The following DDO variants were observed in gnomAD, a reference collection of about 807,000 sequenced individuals.
The protein encoded by DDO is D-aspartate oxidase.
A neutral mutation model predicts 16.8 loss-of-function variants in DDO; 16 were observed. That is an observed-to-expected ratio of 0.95 (90% confidence interval 0.65 to 1.45). DDO has a LOEUF of 1.45. Ranked by LOEUF, DDO falls within the 40% of genes most tolerant of loss-of-function variation. The pLI, the probability that DDO is intolerant of heterozygous loss-of-function variation, is 0.00. For missense variants in DDO, 429 were observed against 420.3 expected, an observed-to-expected ratio of 1.02 and a Z score of -0.18; for synonymous variants, 180 against 167.2, an observed-to-expected ratio of 1.08 and a Z score of -0.59.
At position 110,393,312 on chromosome 6, in the gene DDO, AG is replaced by A. The variant is rs1433111087; in HGVS notation, c.488del (p.Thr163IlefsTer4). 15 of 1,607,558 alleles carry A rather than the reference AG, an allele frequency of 9.3e-6. No individual in the cohort carries two copies. The Admixed American group carries it at 2.3e-4, about 25-fold the overall frequency. On this transcript the variant is annotated frameshift_variant, in exon 5 of 5. Coordinates refer to ENST00000368924, the MANE Select transcript of DDO (RefSeq NM_001372108.2). LOFTEE classifies it low-confidence loss of function (END_TRUNC). ...RIKGSGGWTL[T>X]RRIEDLWELH... ...GTTCCCACAGGTCTTCTATTCGCCG[AG>A]TGAGTGTCCAGCCTCCACTTCCCTT...
intron 2 of DDO, among the ~76,000 whole-genome samples, 191 bp downstream of exon 2, chr6:110,413,100 A>C (rs1562267192): frequency 6.6e-6 from 1 of 152,060 alleles, no homozygotes; most frequent in Non-Finnish European, 1.5e-5. Context: ...CCAAGATTGC[A>C]CCACTCCACT....
At chr6:110,401,257 T>C (rs975104952) in intron 4 of DDO, among the ~76,000 whole-genome samples, 1 of 152,108 alleles carries the variant, frequency 6.6e-6, no homozygotes, top group Non-Finnish European at 1.5e-5. Context: ...AGGATTTACA[T>C]TGCAACAGAG....
intron 4 of DDO, among the ~76,000 whole-genome samples, chr6:110,393,990 CTT>C (rs1773205190): frequency 6.6e-6 from 1 of 152,154 alleles, no homozygotes; most frequent in Admixed American, 6.5e-5. Flanking sequence ...GTAAAATACA[CTT>C]AACATAAAAT....
At chr6:110,414,174 C>G (rs2114847279) in intron 1 of DDO, among the ~76,000 whole-genome samples, 1 of 152,302 alleles carries the variant, frequency 6.6e-6, no homozygotes, top group Middle Eastern at 3.4e-3. Context: ...ACCTGAGGAG[C>G]AGTGGTGAGG....
At chr6:110,391,278 A>G (rs192714837), downstream of DDO, among the ~76,000 whole-genome samples, 1 of 152,168 alleles carries the variant, frequency 6.6e-6, no homozygotes, top group Admixed American at 6.5e-5. Flanking sequence ...GATGTCCAAA[A>G]TATAACTTAC....
intron 4 of DDO, among the ~76,000 whole-genome samples, chr6:110,400,964 G>A (rs931032538): frequency 1.3e-5 from 2 of 152,210 alleles, no homozygotes; most frequent in Non-Finnish European, 2.9e-5. Context: ...CGTCTTCTGG[G>A]GACCCAGGAT....
chr6:110,389,178 G>T (rs1242043236), downstream of DDO, among the ~76,000 whole-genome samples: 2 of 152,236 alleles, frequency 1.3e-5, no homozygotes, highest in East Asian at 1.9e-4. Context: ...TTTGCTCTCT[G>T]CTTGAGCTAG....
At chr6:110,395,012 A>G (rs969786624) in intron 4 of DDO, among the ~76,000 whole-genome samples, 2 of 152,216 alleles carry the variant, frequency 1.3e-5, no homozygotes, top group African/African-American at 2.4e-5. Context: ...GTGTTAGCCA[A>G]TACTAAAGAC....
chr6:110,400,705 A>G (rs1773458380), intron 4 of DDO, among the ~76,000 whole-genome samples: 1 of 152,248 alleles, frequency 6.6e-6, no homozygotes. Context: ...CCAATGCTTC[A>G]ATGAAAGCTT....
rs1582499253 is a variant in DDO, at chr6:110,414,704, G to T, written c.-5+763C>A. 4.6e-5 allele frequency among the ~76,000 whole-genome samples: 7 copies of T among 152,360 alleles called. No individual in the cohort carries two copies. In the East Asian group the frequency reaches 1.2e-3, roughly 25 times the overall value. On this transcript the variant is annotated intron_variant, in intron 1 of 4. Coordinates refer to ENST00000368924, the MANE Select transcript of DDO (RefSeq NM_001372108.2). ...AATGCAGTTGTACCAGTTGGTCATT[G>T]CATCCCCTGTTGGACAAAATTCTAG...
chr6:110,412,557 T>C (rs1210997529), intron 2 of DDO, among the ~76,000 whole-genome samples: 3 of 152,218 alleles, frequency 2.0e-5, no homozygotes, highest in African/African-American at 7.2e-5. Flanking sequence ...GCTCTGCCAA[T>C]GAGCCATCAT....
chr6:110,399,081 T>A (rs1354295384), intron 4 of DDO, among the ~76,000 whole-genome samples: 1 of 152,186 alleles, frequency 6.6e-6, no homozygotes. Flanking sequence ...GCAGCAGAAT[T>A]TAACTCCACT....
At chr6:110,414,590 CT>C (rs1448620271) in intron 1 of DDO, among the ~76,000 whole-genome samples, 26 of 152,262 alleles carry the variant, frequency 1.7e-4, no homozygotes, top group African/African-American at 6.3e-4. Context: ...GCATCCCCGC[CT>C]GCCTTTGCTT....
rs377351871 is a variant in DDO at position 110,413,372 on chromosome 6, C to T, written c.91G>A (p.Val31Ile). 1.1e-4 allele frequency: 179 copies of T among 1,613,942 alleles called. No individual in the cohort carries two copies. The highest frequency in any genetic ancestry group is 1.9e-4 in the African/African-American group (14 of 74,884). The change falls in exon 2 of 5, where the codon GTT becomes ATT. Residue 31 changes from valine (V) to isoleucine (I), a missense_variant. Physicochemically the swap from Val to Ile is conservative, Grantham distance 29 (BLOSUM62 3). Transcript: ENST00000368924. ...GTAAACTTGTCTGAAATGATGGTAA[C>T]GGAGCATCGGGGCACCAGTTTGGAG... is the stretch of plus-strand genomic sequence containing the variant. ...CISKLVPRCS[V>I]TIISDKFTPD...
At chr6:110,413,265 C>G (rs917993553) in intron 2 of DDO, 26 bp downstream of exon 2, 1 of 1,610,390 alleles carries the variant, frequency 6.2e-7, no homozygotes. Flanking sequence ...TCTATTGTAT[C>G]TGATAGAGGA....
At position 110,405,407 on chromosome 6, in the gene DDO, T is replaced by C. The variant is rs992160540; in HGVS notation, c.282-457A>G. Reference sequence around the variant, plus strand: ...TGATCTATTTTACTATTCTCTTAGGTTCAGATAACTCAGTAGCTAAATAGC... The same window carrying C: ...TGATCTATTTTACTATTCTCTTAGGCTCAGATAACTCAGTAGCTAAATAGC... On this transcript the variant is annotated intron_variant, in intron 3 of 4. Coordinates refer to ENST00000368924, the MANE Select transcript of DDO (RefSeq NM_001372108.2). 3.9e-5 allele frequency among the ~76,000 whole-genome samples: 6 copies of C among 152,188 alleles called. No homozygotes were observed. The South Asian group carries it at 1.2e-3, about 32-fold the overall frequency.
At position 110,391,935 on chromosome 6, in the gene DDO, G is replaced by A. The variant is rs1773113099; in HGVS notation, c.*840C>T. On this transcript the variant is annotated 3_prime_UTR_variant, in exon 5 of 5. Coordinates refer to ENST00000368924, the MANE Select transcript of DDO (RefSeq NM_001372108.2). ...AATTAGTTCTTTGGCTGCACATGCTGTTCATCTTCAAAAATGCTTAGGCAA... is the reference window on the plus strand; with the variant it reads ...AATTAGTTCTTTGGCTGCACATGCTATTCATCTTCAAAAATGCTTAGGCAA... 3 of 152,440 alleles carry A rather than the reference G, an allele frequency of 2.0e-5. No individual in the cohort carries two copies. Among genetic ancestry groups the A allele is most frequent in the Non-Finnish European group, 4.4e-5 (3 of 68,294 alleles). 9.4% of individuals were successfully genotyped at this position (152,440 alleles called of 1,614,324 possible). A position where few individuals can be genotyped will look rare whatever the true frequency, so the allele number is the denominator to read the frequency against.
At chr6:110,390,406 G>T (rs766392928), downstream of DDO, among the ~76,000 whole-genome samples, 8 of 152,240 alleles carry the variant, frequency 5.3e-5, no homozygotes, top group Middle Eastern at 3.2e-3. Context: ...TTGCAGCCCA[G>T]GTTGGCAGCT....
chr6:110,396,830 T>G (rs1244167911), intron 4 of DDO, among the ~76,000 whole-genome samples: 1 of 152,226 alleles, frequency 6.6e-6, no homozygotes, highest in Non-Finnish European at 1.5e-5. Flanking sequence ...AAGCTTAAAT[T>G]ATGTTCTTAA....
Sources: gnomAD v4.1 joint callset for allele counts (sites outside exome capture counted in the v4.1 genomes callset) on GRCh38, gnomAD v4.1.1 for gene constraint, MANE v1.5 for transcripts, NCBI Gene and HGNC (gene_info 2026-07-23, HGNC 2026-07-21) for gene names.